LHFPL1: variants seen among roughly 807,000 people sequenced by gnomAD.
The protein encoded by LHFPL1 is LHFPL tetraspan subfamily member 1, also known as LHFPL tetraspan subfamily member 1 protein.
In LHFPL1, 4 loss-of-function variants were observed where a neutral mutation model predicts 12.1. That is an observed-to-expected ratio of 0.33 (90% CI 0.16 to 0.76). The LOEUF (loss-of-function observed/expected upper bound fraction) is 0.76. LHFPL1 is among the 30% of genes least tolerant of loss of function. The pLI is 0.61. For missense variants in LHFPL1, 141 were observed against 174.1 expected (o/e 0.81, Z 1.07); for synonymous variants, 52 against 61.9 (o/e 0.84, Z 0.75).
chrX:112,649,388 G>A (rs1426679715), intron 3 of LHFPL1, among the ~76,000 whole-genome samples: 6 of 111,717 alleles, frequency 5.4e-5, no homozygotes, highest in Admixed American at 1.9e-4. Context: ...CCTTCTTCAA[G>A]ACTCCCTTTT....
chrX:112,665,703 C>A (rs1931313792), intron 2 of LHFPL1, among the ~76,000 whole-genome samples: 1 of 111,775 alleles, frequency 8.9e-6, no homozygotes, highest in African/African-American at 3.3e-5. Flanking sequence ...AAATGTTCTC[C>A]CCGACATAGT....
intron 3 of LHFPL1, among the ~76,000 whole-genome samples, chrX:112,660,151 C>T (rs1931135066): frequency 8.9e-6 from 1 of 112,345 alleles, no homozygotes; most frequent in Admixed American, 9.4e-5. Flanking sequence ...CTTCTGTCAC[C>T]TACTCTAATA....
intron 3 of LHFPL1, among the ~76,000 whole-genome samples, chrX:112,645,444 G>A (rs1318226961): frequency 9.0e-6 from 1 of 111,683 alleles, no homozygotes; most frequent in African/African-American, 3.3e-5. Flanking sequence ...TGATGATGAT[G>A]ATATCAGATA....
intron 2 of LHFPL1, among the ~76,000 whole-genome samples, chrX:112,669,634 C>T (rs1931434099): frequency 8.9e-6 from 1 of 112,204 alleles, no homozygotes; most frequent in South Asian, 3.7e-4. Context: ...AGCTTGGTAG[C>T]CTAGCCCAGG....
intron 3 of LHFPL1, among the ~76,000 whole-genome samples, chrX:112,632,375 T>G (rs1268751047): frequency 8.9e-6 from 1 of 112,001 alleles, no homozygotes; most frequent in Non-Finnish European, 1.9e-5. Flanking sequence ...ACAGGTTCCT[T>G]TGTCTGAAAG....
At chrX:112,641,599 C>T (rs1245323401) in intron 3 of LHFPL1, among the ~76,000 whole-genome samples, 1 of 112,384 alleles carries the variant, frequency 8.9e-6, no homozygotes. Flanking sequence ...TCTCACAGAG[C>T]AGCTCTGAAG....
At chrX:112,670,902 G>T in intron 2 of LHFPL1, 107 bp downstream of exon 2, 1 of 887,022 alleles carries the variant, frequency 1.1e-6, no homozygotes, top group Non-Finnish European at 1.6e-6. Context: ...CCTTAGAGTT[G>T]GACAAAGTGA....
At chrX:112,671,845 G>A (rs891816700) in intron 1 of LHFPL1, among the ~76,000 whole-genome samples, 24 of 111,605 alleles carry the variant, frequency 2.2e-4, no homozygotes, top group Non-Finnish European at 2.6e-4. Flanking sequence ...GGCAATATCT[G>A]AAGAGGATCA....
intron 3 of LHFPL1, among the ~76,000 whole-genome samples, chrX:112,640,813 CTG>C (rs10529066): frequency 0.05 from 5,240 of 104,525 alleles, 270 homozygotes; most frequent in African/African-American, 0.14. Flanking sequence ...TAGATTCCAT[CTG>C]TGTGTGTGTG....
At chrX:112,677,383 G>C (rs1227920640) in intron 1 of LHFPL1, among the ~76,000 whole-genome samples, 1 of 111,419 alleles carries the variant, frequency 9.0e-6, no homozygotes, top group Non-Finnish European at 1.9e-5. Context: ...GTGAAGAGCA[G>C]CTTTCTTGGC....
chrX:112,637,973 G>T (rs138598586), intron 3 of LHFPL1, among the ~76,000 whole-genome samples: 201 of 111,669 alleles, frequency 1.8e-3, no homozygotes, highest in African/African-American at 6.5e-3. Flanking sequence ...GGCTCATGAA[G>T]ATGGGGTAAG....
Position 112,671,301 on chromosome X carries a change from A to G in LHFPL1, c.90T>C (p.Pro30=), listed in dbSNP as rs749809068. Residue 30 remains proline, a synonymous_variant, in exon 2 of 4, where the codon CCT becomes CCC. Transcript: ENST00000371968. ...CCATCTGGGATCCAAAGAGCCAGTAAGGTAGGAAGTAACTGGTAGAACTGG... is the reference window on the plus strand; with the variant it reads ...CCATCTGGGATCCAAAGAGCCAGTAGGGTAGGAAGTAACTGGTAGAACTGG... ...AVTSSTSYFL[P]YWLFGSQMGK... 1 of 1,212,104 alleles carries G rather than the reference A, an allele frequency of 8.3e-7. No homozygotes were observed. The highest frequency in any genetic ancestry group is 1.8e-5 in the South Asian group (1 of 57,029).
At chrX:112,653,259 CTAAG>C (rs1226503101) in intron 3 of LHFPL1, among the ~76,000 whole-genome samples, 2 of 111,379 alleles carry the variant, frequency 1.8e-5, no homozygotes, top group African/African-American at 6.5e-5. Flanking sequence ...ATCACAGCAC[CTAAG>C]TAATGGTTGA....
chrX:112,648,122 A>G (rs1342516322), intron 3 of LHFPL1, among the ~76,000 whole-genome samples: 2 of 105,717 alleles, frequency 1.9e-5, no homozygotes, highest in Non-Finnish European at 3.9e-5. Flanking sequence ...CTAGTTGAAC[A>G]ATGAGAACAC....
chrX:112,647,437 G>T (rs952319089), intron 3 of LHFPL1, among the ~76,000 whole-genome samples: 17 of 111,201 alleles, frequency 1.5e-4, no homozygotes, highest in African/African-American at 5.2e-4. Flanking sequence ...CTGACAAAGG[G>T]CTAATATCCA....
chrX:112,649,128 C>T (rs972470970), intron 3 of LHFPL1, among the ~76,000 whole-genome samples: 1 of 112,019 alleles, frequency 8.9e-6, no homozygotes, highest in African/African-American at 3.2e-5. Context: ...GGTACATGTG[C>T]ACAACGTGCA....
intron 1 of LHFPL1, among the ~76,000 whole-genome samples, chrX:112,678,968 T>G (rs1336177877): frequency 1.8e-5 from 2 of 111,945 alleles, no homozygotes; most frequent in Non-Finnish European, 1.9e-5. Context: ...ATGGAAATGA[T>G]TAAGCATAAA....
At chrX:112,653,498 C>T (rs1039363673) in intron 3 of LHFPL1, among the ~76,000 whole-genome samples, 1 of 112,406 alleles carries the variant, frequency 8.9e-6, no homozygotes, top group East Asian at 2.8e-4. Flanking sequence ...TCTCCTCAAT[C>T]CCATGCACAG....
chrX:112,646,676 G>A (rs757193941), intron 3 of LHFPL1, among the ~76,000 whole-genome samples: 1 of 109,567 alleles, frequency 9.1e-6, no homozygotes, highest in African/African-American at 3.3e-5. Flanking sequence ...ATCCCATCAG[G>A]TCCAGCCACT....
Sources: allele counts gnomAD v4.1 joint callset (sites outside exome capture counted in the v4.1 genomes callset), GRCh38; gene constraint gnomAD v4.1.1; transcripts MANE v1.5; gene names NCBI Gene and HGNC (gene_info 2026-07-23, HGNC 2026-07-21).